CCDC50: variants seen among roughly 807,000 people sequenced by gnomAD.
CCDC50 encodes the protein coiled-coil domain containing 50.
In CCDC50, 54 loss-of-function variants were observed where a neutral mutation model predicts 70.2. The observed-to-expected ratio is 0.77, with a 90% CI of 0.62 to 0.96. CCDC50 has a LOEUF of 0.96. CCDC50 is among the 50% of genes least tolerant of loss of function. The pLI is 0.00. For missense variants in CCDC50, 558 were observed against 578.7 expected (o/e 0.96, Z 0.37); for synonymous variants, 216 against 198.8 (o/e 1.09, Z -0.73).
chr3:191,367,295 A>G (rs763154266), intron 4 of CCDC50, among the ~76,000 whole-genome samples: 3 of 152,066 alleles, frequency 2.0e-5, no homozygotes, highest in East Asian at 3.8e-4. Flanking sequence ...GCGTATTACT[A>G]TGCTTCCATT....
At position 191,396,081 on chromosome 3, in the gene CCDC50, A is replaced by G. The variant is rs1260589137; in HGVS notation, c.*4321A>G. 1 of 152,202 alleles carries G rather than the reference A, an allele frequency of 6.6e-6. No individual in the cohort carries two copies. Among genetic ancestry groups the G allele is most frequent in the African/African-American group, 2.4e-5 (1 of 41,456 alleles). 9.4% of individuals were successfully genotyped at this position (152,202 alleles called of 1,614,324 possible). A position where few individuals can be genotyped will look rare whatever the true frequency, so the allele number is the denominator to read the frequency against. ...ATATTGTTGCTCCTGGTATTTAACA[A>G]CTGTCATTAGAAATGCTGAAATTTA... On this transcript the variant is annotated 3_prime_UTR_variant, in exon 12 of 12. Coordinates refer to ENST00000392455, the MANE Select transcript of CCDC50 (RefSeq NM_178335.3).
chr3:191,387,412 A>G (rs1225717385), intron 10 of CCDC50, among the ~76,000 whole-genome samples: 1 of 152,182 alleles, frequency 6.6e-6, no homozygotes, highest in African/African-American at 2.4e-5. Flanking sequence ...GTTAGTTAAT[A>G]AGATTTTTCT....
intron 1 of CCDC50, among the ~76,000 whole-genome samples, chr3:191,333,279 A>G (rs1029961980): frequency 6.6e-6 from 1 of 152,234 alleles, no homozygotes; most frequent in Non-Finnish European, 1.5e-5. Flanking sequence ...ACATACCTAG[A>G]AAGCACTGAT....
rs1310188331 is a variant in CCDC50, at chr3:191,395,026, G to T, written c.*3266G>T. 1 of 152,130 alleles carries T rather than the reference G, an allele frequency of 6.6e-6. No homozygotes were observed. The highest frequency in any genetic ancestry group is 2.4e-5 in the African/African-American group (1 of 41,430). The allele number at this position is 152,130 out of a possible 1,614,324, so 9.4% of individuals were successfully genotyped here. Reference sequence around the variant, plus strand: ...TAGGTGTTCTGATGATAGAGAAATAGCTAAATTAGAAAAGAAAGATATGGA... The same window carrying T: ...TAGGTGTTCTGATGATAGAGAAATATCTAAATTAGAAAAGAAAGATATGGA... On this transcript the variant is annotated 3_prime_UTR_variant, in exon 12 of 12. Transcript: ENST00000392455.
intron 1 of CCDC50, among the ~76,000 whole-genome samples, chr3:191,337,443 C>T (rs1044657772): frequency 1.6e-4 from 24 of 151,750 alleles, no homozygotes; most frequent in African/African-American, 5.8e-4. Context: ...CGCCCAGGCT[C>T]GAGCGATTCT....
intron 1 of CCDC50, among the ~76,000 whole-genome samples, chr3:191,341,126 T>C (rs1711715055): frequency 6.6e-6 from 1 of 152,190 alleles, no homozygotes; most frequent in Admixed American, 6.5e-5. Context: ...AAGTACTCAC[T>C]GTAAATTGCA....
chr3:191,369,313 A>G lies in CCDC50; in HGVS notation c.331-606A>G, dbSNP rs118027733. ...TTTTTTTTTTGAAAAGTTTCTATGA[A>G]ACTTTTGTGTTCATAAAGGGATGAT... On this transcript the variant is annotated intron_variant, in intron 4 of 11. Transcript: ENST00000392455. 1.3e-3 allele frequency among the ~76,000 whole-genome samples: 196 copies of G among 152,150 alleles called. 2 individuals carry two copies. The East Asian group carries it at 0.035, about 27-fold the overall frequency.
intron 1 of CCDC50, among the ~76,000 whole-genome samples, chr3:191,352,696 T>C (rs1712143430): frequency 7.0e-6 from 1 of 142,530 alleles, no homozygotes; most frequent in South Asian, 2.2e-4. Flanking sequence ...TGATTCATTT[T>C]ATTGCAATAT....
At chr3:191,352,649 A>G (rs957072467) in intron 1 of CCDC50, among the ~76,000 whole-genome samples, 3 of 142,580 alleles carry the variant, frequency 2.1e-5, no homozygotes, top group Non-Finnish European at 4.7e-5. Context: ...TAGTGTAAAC[A>G]TAACTTTTAT....
chr3:191,388,191 G>C (rs1042014920), intron 10 of CCDC50, among the ~76,000 whole-genome samples: 1 of 151,730 alleles, frequency 6.6e-6, no homozygotes, highest in Non-Finnish European at 1.5e-5. Context: ...GAAAGTATAA[G>C]TACAATAACA....
intron 1 of CCDC50, among the ~76,000 whole-genome samples, chr3:191,337,841 G>T (rs191512150): frequency 5.0e-4 from 76 of 151,344 alleles, no homozygotes; most frequent in African/African-American, 1.8e-3. Context: ...TTTTTTTTTA[G>T]CTTATATTAT....
At chr3:191,391,527 A>T (rs1713693468) in intron 11 of CCDC50, among the ~76,000 whole-genome samples, 1 of 152,234 alleles carries the variant, frequency 6.6e-6, no homozygotes, top group African/African-American at 2.4e-5. Context: ...AACTACATGT[A>T]TCACCTTTTG....
chr3:191,382,319 T>C (rs1713346748), intron 9 of CCDC50, among the ~76,000 whole-genome samples: 1 of 152,132 alleles, frequency 6.6e-6, no homozygotes, highest in Non-Finnish European at 1.5e-5. Context: ...GCCTAAGACA[T>C]GTGTGCGGAA....
intron 1 of CCDC50, among the ~76,000 whole-genome samples, chr3:191,338,929 A>G (rs907909223): frequency 6.6e-6 from 1 of 152,144 alleles, no homozygotes; most frequent in Non-Finnish European, 1.5e-5. Context: ...TGTTGCTGTT[A>G]CTAGAGTATT....
intron 9 of CCDC50, among the ~76,000 whole-genome samples, chr3:191,381,966 GTAT>G (rs1713335701): frequency 6.6e-6 from 1 of 152,054 alleles, no homozygotes; most frequent in Non-Finnish European, 1.5e-5. Flanking sequence ...AACAATGAAT[GTAT>G]TATTCTCATA....
chr3:191,389,306 A>G (rs923634313), intron 10 of CCDC50, among the ~76,000 whole-genome samples, 190 bp from the exon 11 acceptor site: 1 of 152,242 alleles, frequency 6.6e-6, no homozygotes, highest in African/African-American at 2.4e-5. Context: ...TATGACATCA[A>G]AACAAAGGAA....
chr3:191,352,603 T>TTTAATAGACTATCAATAGACTATA (rs1397916668), intron 1 of CCDC50, among the ~76,000 whole-genome samples: 1 of 142,596 alleles, frequency 7.0e-6, no homozygotes, highest in African/African-American at 2.5e-5. Flanking sequence ...CCATCGTACA[T>TTTAATAGACTATCAATAGACTATA]TTAATAGACT....
At chr3:191,370,889 G>T (rs1008147700) in intron 5 of CCDC50, among the ~76,000 whole-genome samples, 5 of 152,102 alleles carry the variant, frequency 3.3e-5, no homozygotes, top group South Asian at 2.1e-4. Context: ...AAACTTTAGC[G>T]ACTTGGAATG....
chr3:191,329,433 G>A lies in CCDC50; in HGVS notation c.-242G>A, dbSNP rs1717862518. 1.1e-5 allele frequency: 5 copies of A among 449,760 alleles called. No individual in the cohort carries two copies. In the South Asian group the frequency reaches 2.2e-4, roughly 20 times the overall value. The allele number at this position is 449,760 out of a possible 1,614,324, so 27.9% of individuals were successfully genotyped here. A position where few individuals can be genotyped will look rare whatever the true frequency, so the allele number is the denominator to read the frequency against. ...GATATTTGGTATCGATTGGGGCCGG[G>A]GACGCGGAGCAGGTGGCCGCGGCGG... On this transcript the variant is annotated 5_prime_UTR_variant, in exon 1 of 12. Transcript: ENST00000392455.
Sources: gnomAD v4.1 joint callset for allele counts (sites outside exome capture counted in the v4.1 genomes callset) on GRCh38, gnomAD v4.1.1 for gene constraint, MANE v1.5 for transcripts, NCBI Gene and HGNC (gene_info 2026-07-23, HGNC 2026-07-21) for gene names.